DAB1: variants seen among roughly 807,000 people sequenced by gnomAD.
DAB1 encodes the protein disabled homolog 1.
A neutral mutation model predicts 64.6 loss-of-function variants in DAB1; 15 were observed. That is an observed-to-expected ratio of 0.23 (90% confidence interval 0.16 to 0.36). The LOEUF (loss-of-function observed/expected upper bound fraction) is 0.36, where lower values mean the gene tolerates loss of function less well. Among genes scored for constraint, DAB1 ranks in the 10% least tolerant of loss-of-function variants. The pLI is 1.00. For synonymous variants in DAB1, 235 were observed against 251.9 expected (o/e 0.93, Z 0.64); for missense variants, 596 against 706.7 (o/e 0.84, Z 1.78).
intron 7 of DAB1, among the ~76,000 whole-genome samples, chr1:57,597,812 A>T (rs894679636): frequency 6.6e-6 from 1 of 152,236 alleles, no homozygotes; most frequent in Non-Finnish European, 1.5e-5. Flanking sequence ...ATAGACTTAG[A>T]TTATTTGTTC....
At chr1:57,928,300 T>C (rs527578316) in intron 5 of DAB1, among the ~76,000 whole-genome samples, 1 of 152,204 alleles carries the variant, frequency 6.6e-6, no homozygotes, top group African/African-American at 2.4e-5. Flanking sequence ...CTTTATTTTT[T>C]AGAGCAGTTT....
intron 6 of DAB1, among the ~76,000 whole-genome samples, chr1:57,732,239 G>A (rs1432741851): frequency 6.6e-6 from 1 of 152,192 alleles, no homozygotes; most frequent in Non-Finnish European, 1.5e-5. Context: ...GGAAGATGCA[G>A]ATGAAAACCT....
chr1:57,092,970 C>T (rs1222562355), intron 4 of DAB1, among the ~76,000 whole-genome samples: 2 of 152,172 alleles, frequency 1.3e-5, no homozygotes, highest in South Asian at 4.2e-4. Context: ...ATTGAGAAGG[C>T]GATGGAAGAG....
chr1:58,303,680 A>T (rs946133905), intron 4 of DAB1, among the ~76,000 whole-genome samples: 1 of 152,140 alleles, frequency 6.6e-6, no homozygotes, highest in Non-Finnish European at 1.5e-5. Context: ...CTCCAGGTGG[A>T]GATCAGGGGT....
chr1:57,109,388 C>T (rs1655453580), intron 4 of DAB1, among the ~76,000 whole-genome samples: 1 of 152,090 alleles, frequency 6.6e-6, no homozygotes, highest in Admixed American at 6.6e-5. Context: ...TTTTGAACAC[C>T]CAGCAGACTC....
At chr1:58,524,814 A>G (rs1303720089) in intron 2 of DAB1, among the ~76,000 whole-genome samples, 3 of 152,210 alleles carry the variant, frequency 2.0e-5, no homozygotes, top group African/African-American at 7.2e-5. Flanking sequence ...TGTTTACAGT[A>G]TTGCACTAAA....
intron 2 of DAB1, among the ~76,000 whole-genome samples, chr1:57,209,958 C>T (rs567615073): frequency 6.6e-6 from 1 of 152,178 alleles, no homozygotes; most frequent in African/African-American, 2.4e-5. Flanking sequence ...CTAAAAAGAC[C>T]TAAATTGAAA....
intron 9 of DAB1, among the ~76,000 whole-genome samples, chr1:57,033,035 C>T (rs575457812): frequency 1.2e-3 from 179 of 152,298 alleles, no homozygotes; most frequent in Non-Finnish European, 1.9e-3. Context: ...CTATGTTACA[C>T]TGTGAGCTTC....
chr1:57,367,268 C>T (rs914362396), intron 1 of DAB1, among the ~76,000 whole-genome samples: 2 of 151,690 alleles, frequency 1.3e-5, no homozygotes, highest in Non-Finnish European at 2.9e-5. Context: ...GAGCATGACC[C>T]TGTCTCAAAA....
chr1:57,650,410 A>G lies in DAB1; in HGVS notation n.552-745T>C, dbSNP rs527887919. ...TATGAATGCAGACCGGTATTTACGT[A>G]CAGGGATATTCATCATAGGGTTATT... On this transcript the variant is annotated intron_variant and non_coding_transcript_variant, in intron 6 of 20. Coordinates refer to the DAB1 transcript ENST00000485760. Among the ~76,000 whole-genome samples, 146 of 152,306 alleles carry G rather than the reference A, an allele frequency of 9.6e-4. 2 individuals carry two copies. Among genetic ancestry groups the G allele is most frequent in the South Asian group, 4.1e-4 (2 of 4,830 alleles).
rs5774402 is a variant in DAB1 at position 58,225,956 on chromosome 1, T to TA, written n.310-75369dup. Among the ~76,000 whole-genome samples the TA allele has an allele frequency of 8.6e-3, 1,121 of 130,892 alleles. 18 individuals carry two copies. Among genetic ancestry groups the TA allele is most frequent in the South Asian group, 0.059 (229 of 3,850 alleles). The allele number at this position is 130,892 out of a possible 152,430, so 85.9% of individuals were successfully genotyped here. ...GCACATGTACCCTAAAACTTAGTAT[T>TA]AAAAAAAAAAAAAAAAAAAAACCTG... On this transcript the variant is annotated intron_variant and non_coding_transcript_variant, in intron 4 of 20. Coordinates refer to the DAB1 transcript ENST00000485760.
At chr1:57,497,050 A>G (rs1315415865) in intron 7 of DAB1, among the ~76,000 whole-genome samples, 1 of 152,170 alleles carries the variant, frequency 6.6e-6, no homozygotes, top group Non-Finnish European at 1.5e-5. Context: ...CACTCTGTTC[A>G]GAAAGTTCTT....
At chr1:57,898,133 C>T (rs757025053) in intron 5 of DAB1, among the ~76,000 whole-genome samples, 19 of 152,098 alleles carry the variant, frequency 1.2e-4, no homozygotes, top group Non-Finnish European at 2.8e-4. Context: ...CATAGGGAGG[C>T]TGAGAGTACC....
chr1:57,011,413 T>C (rs1646262501), intron 12 of DAB1, 141 bp from the exon 13 acceptor site: 1 of 1,029,870 alleles, frequency 9.7e-7, no homozygotes, highest in African/African-American at 1.6e-5. Context: ...CAGTTGAATA[T>C]TTGAATTCTC....
At chr1:57,174,609 GCTTTA>G (rs1464215062) in intron 2 of DAB1, among the ~76,000 whole-genome samples, 1 of 152,074 alleles carries the variant, frequency 6.6e-6, no homozygotes, top group Non-Finnish European at 1.5e-5. Context: ...TTATTTATAT[GCTTTA>G]CTTTACTGCC....
At chr1:58,022,845 C>G (rs1277482932) in intron 5 of DAB1, among the ~76,000 whole-genome samples, 1 of 152,134 alleles carries the variant, frequency 6.6e-6, no homozygotes, top group African/African-American at 2.4e-5. Flanking sequence ...TCATCACCGC[C>G]AACAATCCCA....
At chr1:57,835,585 A>G (rs1487390855) in intron 1 of DAB1, among the ~76,000 whole-genome samples, 2 of 152,142 alleles carry the variant, frequency 1.3e-5, no homozygotes, top group Non-Finnish European at 2.9e-5. Context: ...CCTGGATATG[A>G]GCCCAAGACT....
chr1:57,683,537 C>T (rs575702540), intron 6 of DAB1, among the ~76,000 whole-genome samples: 1 of 152,172 alleles, frequency 6.6e-6, no homozygotes, highest in Non-Finnish European at 1.5e-5. Context: ...AATATATATC[C>T]TTGTGAAACC....
At chr1:57,586,576 T>C (rs1645383674) in intron 7 of DAB1, among the ~76,000 whole-genome samples, 1 of 152,164 alleles carries the variant, frequency 6.6e-6, no homozygotes, top group Admixed American at 6.5e-5. Context: ...ATAAAGATTT[T>C]CGTCATACAC....
Sources: allele counts gnomAD v4.1 joint callset (sites outside exome capture counted in the v4.1 genomes callset), GRCh38; gene constraint gnomAD v4.1.1; transcripts MANE v1.5; gene names NCBI Gene and HGNC (gene_info 2026-07-23, HGNC 2026-07-21).